Variants in TNIP3 observed in about 807,000 individuals in gnomAD.
TNIP3 encodes TNFAIP3 interacting protein 3.
Under a neutral mutation model 54.1 loss-of-function variants are expected in TNIP3, and 34 were observed. That is an observed-to-expected ratio of 0.63 (90% CI 0.48 to 0.84). The LOEUF (loss-of-function observed/expected upper bound fraction) is 0.84. Among genes scored for constraint, TNIP3 ranks in the 40% least tolerant of loss-of-function variants. TNIP3 has a pLI of 0.00. For synonymous variants in TNIP3, 134 were observed against 136.8 expected (o/e 0.98, Z 0.14); for missense variants, 366 against 387.6 (o/e 0.94, Z 0.47).
chr4:121,207,801 G>A lies in TNIP3; in HGVS notation c.68+8614C>T, dbSNP rs149048556. Among the ~76,000 whole-genome samples, 51 of 152,284 alleles carry A rather than the reference G, an allele frequency of 3.3e-4. 1 individual carries two copies. The South Asian group carries it at 5.4e-3, about 16-fold the overall frequency. On this transcript the variant is annotated intron_variant, in intron 2 of 12. Coordinates refer to the TNIP3 transcript ENST00000507879. ...TAACTTTGGAAGAATTTAGTTTATA[G>A]TTTAACTTTGAAACAAAGATGATAA...
upstream of TNIP3, among the ~76,000 whole-genome samples, chr4:121,168,830 C>T (rs1730915620): frequency 6.6e-6 from 1 of 152,096 alleles, no homozygotes; most frequent in Non-Finnish European, 1.5e-5. Flanking sequence ...TTAATATTTG[C>T]TTCCTGATTT....
upstream of TNIP3, among the ~76,000 whole-genome samples, chr4:121,165,167 T>C (rs1013486781): frequency 6.6e-6 from 1 of 151,648 alleles, no homozygotes; most frequent in East Asian, 1.9e-4. Context: ...GATATTCACA[T>C]ATATATAGGA....
At chr4:121,165,494 T>C (rs1462789459), upstream of TNIP3, among the ~76,000 whole-genome samples, 1 of 152,156 alleles carries the variant, frequency 6.6e-6, no homozygotes, top group Non-Finnish European at 1.5e-5. Flanking sequence ...CACTTCATCA[T>C]GCATTACGAT....
Position 121,140,320 on chromosome 4 carries a change from C to T in TNIP3, c.885+1496G>A, listed in dbSNP as rs551875007. 3.4e-4 allele frequency among the ~76,000 whole-genome samples: 52 copies of T among 151,576 alleles called. 1 individual carries two copies. Among genetic ancestry groups the T allele is most frequent in the African/African-American group, 1.2e-3 (49 of 41,290 alleles). ...CTGCACTACAGCCTGGATGACAGAG[C>T]GAGATGCCTTCTCAAAAAAAAAGAA... On this transcript the variant is annotated intron_variant, in intron 9 of 10. Transcript: ENST00000057513.
At chr4:121,156,188 T>C (rs1236705678) in intron 4 of TNIP3, among the ~76,000 whole-genome samples, 2 of 152,326 alleles carry the variant, frequency 1.3e-5, no homozygotes, top group East Asian at 1.9e-4. Context: ...ATTTCAGACA[T>C]TGCCTTAAGA....
At chr4:121,164,033 A>T in intron 1 of TNIP3, 27 bp downstream of exon 1, 1 of 1,611,544 alleles carries the variant, frequency 6.2e-7, no homozygotes, top group Non-Finnish European at 8.5e-7. Flanking sequence ...GATGTGATCA[A>T]CTCATCTCCT....
chr4:121,142,982 T>G (rs555360652), intron 7 of TNIP3, among the ~76,000 whole-genome samples: 1 of 152,330 alleles, frequency 6.6e-6, no homozygotes, highest in Non-Finnish European at 1.5e-5. Flanking sequence ...GCTATTCCAG[T>G]TTTTTGAGGC....
upstream of TNIP3, chr4:121,164,416 C>G: frequency 9.5e-7 from 1 of 1,053,972 alleles, no homozygotes; most frequent in Non-Finnish European, 1.2e-6. Flanking sequence ...GTGACTAAGA[C>G]CTGGGGCAGA....
chr4:121,138,820 C>A (rs1728941545), intron 9 of TNIP3, 136 bp from the exon 10 acceptor site: 3 of 740,658 alleles, frequency 4.1e-6, no homozygotes, highest in Non-Finnish European at 2.3e-6. Context: ...TATTGCCAAC[C>A]TCACTCATCC....
rs1028404912 is a variant in TNIP3 at position 121,214,097 on chromosome 4, T to C, written c.68+2318A>G. On this transcript the variant is annotated intron_variant, in intron 2 of 12. Coordinates refer to the TNIP3 transcript ENST00000507879. ...GAGAAAGGAGTCAGTTCAGGAGTGA[T>C]AGAGGGAAAGATGACTCAGGTGCTC... Among the ~76,000 whole-genome samples, 9 of 152,296 alleles carry C rather than the reference T, an allele frequency of 5.9e-5. No homozygotes were observed. The South Asian group carries it at 1.7e-3, about 28-fold the overall frequency.
intron 3 of TNIP3, among the ~76,000 whole-genome samples, chr4:121,170,297 A>C (rs6839386): frequency 0.28 from 42,634 of 152,144 alleles, 6,710 homozygotes; most frequent in African/African-American, 0.43. Flanking sequence ...ATTACAATAC[A>C]TTTTTATTGA....
chr4:121,223,148 TAACGGATCGCTTTC>T (rs1727112680), intron 1 of TNIP3, among the ~76,000 whole-genome samples: 1 of 152,234 alleles, frequency 6.6e-6, no homozygotes, highest in Non-Finnish European at 1.5e-5. Flanking sequence ...GTGAAACTAG[TAACGGATCGCTTTC>T]ATATCCATTA....
At chr4:121,149,676 G>T (rs183578314) in intron 6 of TNIP3, among the ~76,000 whole-genome samples, 1 of 152,326 alleles carries the variant, frequency 6.6e-6, no homozygotes, top group Admixed American at 6.5e-5. Flanking sequence ...TGAGGCAGGA[G>T]AATCACTTGA....
chr4:121,184,127 T>C (rs772296548), intron 2 of TNIP3, among the ~76,000 whole-genome samples: 13 of 150,636 alleles, frequency 8.6e-5, no homozygotes, highest in South Asian at 2.1e-4. Flanking sequence ...ATTGTGTGAT[T>C]TTTTTTTCTT....
intron 10 of TNIP3, chr4:121,137,942 G>A (rs1728883945): frequency 2.2e-6 from 1 of 455,888 alleles, no homozygotes; most frequent in Non-Finnish European, 4.4e-6. Context: ...TTTGATTATA[G>A]CTCAGTTTAT....
intron 1 of TNIP3, 35 bp downstream of exon 1, chr4:121,164,025 T>C (rs1730615578): frequency 1.2e-6 from 2 of 1,611,584 alleles, no homozygotes; most frequent in African/African-American, 1.3e-5. Flanking sequence ...CAATGCTAGA[T>C]GTGATCAACT....
At chr4:121,148,825 C>CT (rs1729575185) in intron 6 of TNIP3, among the ~76,000 whole-genome samples, 1 of 152,180 alleles carries the variant, frequency 6.6e-6, no homozygotes, top group South Asian at 2.1e-4. Context: ...CAACAAAAAT[C>CT]TTTGTACTTA....
At chr4:121,227,378 TACTC>T in intron 1 of TNIP3, 1 of 1,535,398 alleles carries the variant, frequency 6.5e-7, no homozygotes, top group South Asian at 1.2e-5. Context: ...GACATTATGT[TACTC>T]ACCATGTTCT....
At chr4:121,132,791 C>T in intron 10 of TNIP3, 129 bp from the exon 11 acceptor site, 1 of 738,890 alleles carries the variant, frequency 1.4e-6, no homozygotes, top group South Asian at 1.8e-5. Flanking sequence ...TTCATAAGCT[C>T]CCCACAAGTT....
Sources: gnomAD v4.1 joint callset for allele counts (sites outside exome capture counted in the v4.1 genomes callset) on GRCh38, gnomAD v4.1.1 for gene constraint, MANE v1.5 for transcripts, NCBI Gene and HGNC (gene_info 2026-07-23, HGNC 2026-07-21) for gene names.